Variants in SI observed in about 807,000 individuals in gnomAD.
The protein encoded by SI is sucrase-isomaltase, intestinal.
SI carries 235 observed loss-of-function variants against 253.3 expected under a neutral mutation model. The ratio of observed to expected loss-of-function variants is 0.93; its 90% CI spans 0.83 to 1.03. The LOEUF (loss-of-function observed/expected upper bound fraction) is 1.03, where lower values mean the gene tolerates loss of function less well. Among genes scored for constraint, SI ranks in the 50% least tolerant of loss-of-function variants. The pLI is 0.00. For synonymous variants in SI, 819 were observed against 712.0 expected, an observed-to-expected ratio of 1.15 and a Z score of -2.39; for missense variants, 2,442 against 2,211.1, an observed-to-expected ratio of 1.10 and a Z score of -2.09.
chr3:164,998,707 CAT>C (rs1339598629), intron 37 of SI, 34 bp from the exon 38 acceptor site: 1 of 1,577,968 alleles, frequency 6.3e-7, no homozygotes, highest in East Asian at 2.2e-5. Context: ...TGAGTTTTTA[CAT>C]GAGATATTTT....
At chr3:165,006,780 A>G (rs1173746064) in intron 37 of SI, 36 bp downstream of exon 37, 6 of 1,582,198 alleles carry the variant, frequency 3.8e-6, no homozygotes, top group African/African-American at 1.3e-5. Context: ...CCAAAGAATA[A>G]AAGAGTCAGA....
chr3:165,006,948 G>A lies in SI; in HGVS notation c.4274C>T (p.Thr1425Ile). ...LNYPPYFPEL[T>I]KRTDGLHFRT... ...GAAATGTAATCCATCAGTTCTTTTT[G>A]TGAGTTCTGGAAAGAATCAATGAAA... The change falls in exon 37 of 48, where the codon ACA becomes ATA. Residue 1425 changes from threonine (T) to isoleucine (I), a missense_variant. Physicochemically the swap from Thr to Ile is moderately conservative, Grantham distance 89. Coordinates refer to ENST00000264382, the MANE Select transcript of SI (RefSeq NM_001041.4). 1.2e-6 allele frequency: 2 copies of A among 1,606,482 alleles called. No homozygotes were observed. Among genetic ancestry groups the A allele is most frequent in the Non-Finnish European group, 1.7e-6 (2 of 1,174,194 alleles).
At chr3:165,054,081 A>G (rs1713567930) in intron 13 of SI, among the ~76,000 whole-genome samples, 1 of 152,230 alleles carries the variant, frequency 6.6e-6, no homozygotes, top group South Asian at 2.1e-4. Context: ...TGTATTCCCA[A>G]CAACATGTCT....
At chr3:165,072,428 C>A (rs9816353) in intron 3 of SI, among the ~76,000 whole-genome samples, 88,515 of 151,530 alleles carry the variant, frequency 0.58, 26,195 homozygotes, top group East Asian at 0.81. Context: ...ACAACAACAA[C>A]AAAAAACCCT....
At chr3:165,060,058 A>C (rs774045507) in intron 9 of SI, 31 bp from the exon 10 acceptor site, 3 of 1,585,146 alleles carry the variant, frequency 1.9e-6, no homozygotes, top group Admixed American at 3.4e-5. Flanking sequence ...AATTAGTTTG[A>C]ATAGAAATAA....
intron 3 of SI, 42 bp downstream of exon 3, chr3:165,074,489 T>C: frequency 7.8e-7 from 1 of 1,284,328 alleles, no homozygotes; most frequent in Non-Finnish European, 1.1e-6. Flanking sequence ...AATATAATAA[T>C]GTATATATTC....
intron 16 of SI, among the ~76,000 whole-genome samples, chr3:165,046,581 A>C (rs13091748): frequency 0.58 from 88,135 of 151,614 alleles, 25,982 homozygotes; most frequent in East Asian, 0.81. Context: ...ATAAGCTTTT[A>C]TATGCTGTTT....
At chr3:165,066,339 G>A (rs1210434904) in intron 6 of SI, among the ~76,000 whole-genome samples, 1 of 151,920 alleles carries the variant, frequency 6.6e-6, no homozygotes, top group East Asian at 1.9e-4. Flanking sequence ...CATGGATACT[G>A]AGGGAGGTCT....
At chr3:165,060,615 G>A (rs1304376374) in intron 9 of SI, among the ~76,000 whole-genome samples, 5 of 151,396 alleles carry the variant, frequency 3.3e-5, no homozygotes, top group Admixed American at 2.0e-4. Flanking sequence ...CAAATGGATC[G>A]CCATCTCTTC....
At chr3:165,076,625 CT>C (rs1225690457) in intron 1 of SI, among the ~76,000 whole-genome samples, 2 of 151,540 alleles carry the variant, frequency 1.3e-5, no homozygotes, top group Non-Finnish European at 3.0e-5. Flanking sequence ...GTTTAAAAAT[CT>C]TTTGAATTTT....
At chr3:165,045,705 T>A (rs1032577023) in intron 16 of SI, among the ~76,000 whole-genome samples, 2 of 151,894 alleles carry the variant, frequency 1.3e-5, no homozygotes, top group Admixed American at 1.3e-4. Flanking sequence ...AATCAGTAAG[T>A]TTTTCTTTAA....
chr3:164,994,963 A>C (rs1374197725), intron 40 of SI, among the ~76,000 whole-genome samples: 1 of 151,794 alleles, frequency 6.6e-6, no homozygotes, highest in Admixed American at 6.6e-5. Context: ...CAAAAGACTA[A>C]AATTTTTAGT....
At position 165,029,610 on chromosome 3, in the gene SI, G is replaced by GTA. The variant is rs1222154858; in HGVS notation, c.2892+1100_2892+1101dup. ...TATATGTATATATATACATATATAT[G>GTA]TATATATATGTAACATTAGCCTTAT... is the stretch of plus-strand genomic sequence containing the variant. On this transcript the variant is annotated intron_variant, in intron 25 of 47. Transcript: ENST00000264382. 3.5e-5 allele frequency among the ~76,000 whole-genome samples: 5 copies of GTA among 143,460 alleles called. No individual in the cohort carries two copies. The East Asian group carries it at 6.0e-4, about 17-fold the overall frequency. The allele number at this position is 143,460 out of a possible 152,430, so 94.1% of individuals were successfully genotyped here. A position where few individuals can be genotyped will look rare whatever the true frequency, so the allele number is the denominator to read the frequency against.
the SI span, among the ~76,000 whole-genome samples, chr3:165,088,950 A>G: frequency 6.6e-6 from 1 of 152,076 alleles, no homozygotes; most frequent in East Asian, 1.9e-4. Flanking sequence ...TTTAGGTAAC[A>G]TTATCAAGCT....
At chr3:165,025,474 C>A (rs1711862969) in intron 25 of SI, among the ~76,000 whole-genome samples, 1 of 151,086 alleles carries the variant, frequency 6.6e-6, no homozygotes, top group South Asian at 2.1e-4. Context: ...GAGATCTAGA[C>A]ATCCAAATAC....
rs1260009909 is a variant in SI, at chr3:165,059,240, T to C, written c.1206A>G (p.Gln402=). Residue 402 remains glutamine (Q), a synonymous_variant, in exon 11 of 48, where the codon CAA becomes CAG. Transcript: ENST00000264382. ...ATTGAGGGAGTCCGTTAAACGCAAC[T>C]TGATCATAAGTAAAGTCTTTCTTGT... ...MEDKKDFTYD[Q]VAFNGLPQFV... is the part of the protein sequence containing the mutation. 3.1e-6 allele frequency: 5 copies of C among 1,612,802 alleles called. No homozygotes were observed. In the South Asian group the frequency reaches 3.3e-5, roughly 11 times the overall value.
At chr3:164,984,408 A>T (rs1473758143) in intron 45 of SI, among the ~76,000 whole-genome samples, 1 of 152,180 alleles carries the variant, frequency 6.6e-6, no homozygotes, top group African/African-American at 2.4e-5. Context: ...TACAAGACAT[A>T]TTAGTGTCAA....
upstream of SI, among the ~76,000 whole-genome samples, chr3:165,079,974 A>G (rs999290999): frequency 6.6e-6 from 1 of 151,992 alleles, no homozygotes; most frequent in African/African-American, 2.4e-5. Flanking sequence ...TATAATCTAA[A>G]TCAAAACTCC....
intron 2 of SI, among the ~76,000 whole-genome samples, chr3:165,075,524 T>G (rs1025853481): frequency 1.3e-5 from 2 of 152,018 alleles, no homozygotes; most frequent in Non-Finnish European, 2.9e-5. Context: ...CTAAAATCCT[T>G]ATTTCCTTTG....
Sources: allele counts gnomAD v4.1 joint callset (sites outside exome capture counted in the v4.1 genomes callset), GRCh38; gene constraint gnomAD v4.1.1; transcripts MANE v1.5; gene names NCBI Gene and HGNC (gene_info 2026-07-23, HGNC 2026-07-21).